DAB1: variants seen among roughly 807,000 people sequenced by gnomAD.
DAB1 encodes the protein DAB adaptor protein 1.
DAB1 carries 15 observed loss-of-function variants against 64.6 expected under a neutral mutation model. The observed-to-expected ratio is 0.23, with a 90% CI of 0.16 to 0.36. The LOEUF (loss-of-function observed/expected upper bound fraction) is 0.36. Among genes scored for constraint, DAB1 ranks in the 10% least tolerant of loss-of-function variants. DAB1 has a pLI of 1.00. For missense variants in DAB1, 596 were observed against 706.7 expected (o/e 0.84, Z 1.78); for synonymous variants, 235 against 251.9 (o/e 0.93, Z 0.64).
intron 1 of DAB1, among the ~76,000 whole-genome samples, chr1:57,310,027 C>T (rs1674537953): frequency 6.6e-6 from 1 of 152,220 alleles, no homozygotes; most frequent in Non-Finnish European, 1.5e-5. Context: ...TCAATCAATG[C>T]ATAGTATAAT....
intron 6 of DAB1, among the ~76,000 whole-genome samples, chr1:57,740,946 G>A (rs150959430): frequency 5.9e-5 from 9 of 152,232 alleles, no homozygotes; most frequent in African/African-American, 2.2e-4. Flanking sequence ...ATGGAGGAGG[G>A]GACACTTAAG....
intron 5 of DAB1, among the ~76,000 whole-genome samples, chr1:57,926,154 C>A (rs982805040): frequency 3.3e-5 from 5 of 152,152 alleles, no homozygotes; most frequent in African/African-American, 1.2e-4. Flanking sequence ...TGACCCTGGG[C>A]CAAATCACTT....
chr1:58,473,839 G>T (rs774680379), intron 3 of DAB1: 4 of 594,676 alleles, frequency 6.7e-6, no homozygotes, highest in Non-Finnish European at 8.8e-6. Flanking sequence ...TCCCAAGACT[G>T]GTGTGTCTTC....
intron 4 of DAB1, among the ~76,000 whole-genome samples, chr1:57,106,257 A>ACCCCCC (rs10658621): frequency 2.6e-4 from 36 of 138,622 alleles, no homozygotes; most frequent in African/African-American, 6.6e-4. Flanking sequence ...TCCCCCTAAC[A>ACCCCCC]CCCCCCCCCA....
At chr1:58,473,292 C>T (rs1371489059) in intron 3 of DAB1, among the ~76,000 whole-genome samples, 1 of 152,088 alleles carries the variant, frequency 6.6e-6, no homozygotes, top group African/African-American at 2.4e-5. Context: ...CCTGTAATCC[C>T]AGCACTTTGG....
chr1:58,522,304 G>A (rs556629107), intron 2 of DAB1, among the ~76,000 whole-genome samples: 30 of 152,052 alleles, frequency 2.0e-4, no homozygotes, highest in Admixed American at 2.6e-4. Context: ...ATCTGCACAT[G>A]TACCCTGGAA....
intron 9 of DAB1, among the ~76,000 whole-genome samples, chr1:57,026,442 G>T (rs1448000531): frequency 6.6e-6 from 1 of 152,128 alleles, no homozygotes; most frequent in African/African-American, 2.4e-5. Flanking sequence ...TGCCTTCCAT[G>T]TGCAAGTATG....
chr1:57,612,195 T>TTG (rs58605325), intron 7 of DAB1, among the ~76,000 whole-genome samples: 5,359 of 149,616 alleles, frequency 0.036, 259 homozygotes, highest in African/African-American at 0.11. Context: ...TGGCATGATC[T>TTG]TGTGTGTGTG....
chr1:57,224,194 T>A (rs1667093753), intron 2 of DAB1, among the ~76,000 whole-genome samples: 1 of 152,188 alleles, frequency 6.6e-6, no homozygotes. Context: ...TCAACAAGCA[T>A]ATGTGGGTGA....
intron 4 of DAB1, among the ~76,000 whole-genome samples, chr1:58,260,543 G>A (rs966982251): frequency 4.6e-5 from 7 of 152,152 alleles, no homozygotes; most frequent in Admixed American, 2.0e-4. Context: ...AAAGTAATGC[G>A]CCTGTTGTGG....
chr1:58,075,745 C>G (rs927953048), intron 5 of DAB1, among the ~76,000 whole-genome samples: 2 of 152,184 alleles, frequency 1.3e-5, no homozygotes, highest in African/African-American at 2.4e-5. Flanking sequence ...AGCTGTCCGA[C>G]TCTCTCTCCC....
At chr1:58,123,467 T>C (rs1016108740) in intron 5 of DAB1, among the ~76,000 whole-genome samples, 4 of 152,162 alleles carry the variant, frequency 2.6e-5, no homozygotes, top group African/African-American at 9.7e-5. Flanking sequence ...AGATGAATAA[T>C]AGCTAAGTAG....
At chr1:57,836,663 C>A (rs1222508700) in intron 1 of DAB1, among the ~76,000 whole-genome samples, 1 of 152,228 alleles carries the variant, frequency 6.6e-6, no homozygotes, top group Non-Finnish European at 1.5e-5. Flanking sequence ...TCTTGATTAT[C>A]ACTGTGGGTT....
At chr1:57,641,379 G>GTTTTTTTTTTT (rs34105483) in intron 7 of DAB1, among the ~76,000 whole-genome samples, 4 of 109,968 alleles carry the variant, frequency 3.6e-5, no homozygotes, top group African/African-American at 6.9e-5. Context: ...TTTTTTGTTG[G>GTTTTTTTTTTT]TTTTTTTTTT....
intron 4 of DAB1, among the ~76,000 whole-genome samples, chr1:57,114,182 G>A (rs997619882): frequency 3.9e-5 from 6 of 152,162 alleles, no homozygotes; most frequent in African/African-American, 9.6e-5. Flanking sequence ...ATGCACCAAC[G>A]TTATAGGTAG....
chr1:57,083,684 T>C lies in DAB1; in HGVS notation c.307-11270A>G, dbSNP rs1178080895. Among the ~76,000 whole-genome samples, 3 of 152,328 alleles carry C rather than the reference T, an allele frequency of 2.0e-5. No individual in the cohort carries two copies. In the East Asian group the frequency reaches 5.8e-4, roughly 29 times the overall value. ...AAAATGCAGCCAATGGAAAGGATGC[T>C]GCATTAGGAGTGAGACGACTGGGAT... On this transcript the variant is annotated intron_variant, in intron 4 of 14. Transcript: ENST00000371236.
chr1:57,736,312 G>T (rs1647689745), intron 6 of DAB1, among the ~76,000 whole-genome samples: 1 of 152,204 alleles, frequency 6.6e-6, no homozygotes, highest in Admixed American at 6.5e-5. Context: ...AGGATGCTAG[G>T]ACCCCAAAGC....
At chr1:57,745,287 C>T (rs1475653303) in intron 6 of DAB1, among the ~76,000 whole-genome samples, 2 of 152,036 alleles carry the variant, frequency 1.3e-5, no homozygotes, top group Non-Finnish European at 2.9e-5. Context: ...GCATGGTGAC[C>T]TCAACAGGGG....
At chr1:58,360,796 A>G (rs1191515107) in intron 3 of DAB1, among the ~76,000 whole-genome samples, 1 of 152,214 alleles carries the variant, frequency 6.6e-6, no homozygotes, top group African/African-American at 2.4e-5. Flanking sequence ...AAAATAATAT[A>G]TATTCCTTAT....
Sources: allele counts gnomAD v4.1 joint callset (sites outside exome capture counted in the v4.1 genomes callset), GRCh38; gene constraint gnomAD v4.1.1; transcripts MANE v1.5; gene names NCBI Gene and HGNC (gene_info 2026-07-23, HGNC 2026-07-21).